The following MYT1 variants were observed in gnomAD, a reference collection of about 807,000 sequenced individuals.
The protein encoded by MYT1 is myelin transcription factor I.
A neutral mutation model predicts 123.0 loss-of-function variants in MYT1; 23 were observed. That is an observed-to-expected ratio of 0.19 (90% CI 0.13 to 0.26). The LOEUF (loss-of-function observed/expected upper bound fraction) is 0.26. Among genes scored for constraint, MYT1 ranks in the 10% least tolerant of loss-of-function variants. The probability of loss-of-function intolerance (pLI) is 1.00; values close to 1 mark genes in which losing one functional copy is unlikely to be tolerated. For synonymous variants in MYT1, 518 were observed against 575.3 expected (o/e 0.90, Z 1.43); for missense variants, 1,125 against 1,472.5 (o/e 0.76, Z 3.86).
chr20:64,181,831 T>C lies in MYT1; in HGVS notation c.-98-8232T>C, dbSNP rs371948140. On this transcript the variant is annotated intron_variant, in intron 1 of 22. Coordinates refer to ENST00000328439, the MANE Select transcript of MYT1 (RefSeq NM_004535.3). ...AGAGGCAGATGCTGGACCTAGTATT[T>C]CTGCTGCCTCCTCCAGGAGCCATGT... 9.5e-4 allele frequency among the ~76,000 whole-genome samples: 145 copies of C among 152,304 alleles called. 1 individual carries two copies. The South Asian group carries it at 0.012, about 12-fold the overall frequency.
chr20:64,197,757 T>A (rs1983165783), intron 2 of MYT1, among the ~76,000 whole-genome samples: 1 of 152,244 alleles, frequency 6.6e-6, no homozygotes, highest in Non-Finnish European at 1.5e-5. Context: ...CTGCCCCACA[T>A]GTCCTTTCTG....
At chr20:64,222,791 G>A (rs1984048882) in intron 14 of MYT1, among the ~76,000 whole-genome samples, 1 of 152,236 alleles carries the variant, frequency 6.6e-6, no homozygotes, top group South Asian at 2.1e-4. Flanking sequence ...TTGCTTCAGG[G>A]CCTGGAGAAG....
intron 16 of MYT1, 121 bp downstream of exon 16, chr20:64,223,480 C>T (rs1984073114): frequency 2.7e-6 from 3 of 1,128,862 alleles, no homozygotes; most frequent in Admixed American, 3.5e-5. Context: ...GGCCCCAGCT[C>T]TCCTGAGATG....
At chr20:64,225,483 C>T (rs1278420855) in intron 16 of MYT1, among the ~76,000 whole-genome samples, 2 of 152,230 alleles carry the variant, frequency 1.3e-5, no homozygotes, top group East Asian at 1.9e-4. Context: ...CCACTCAGCT[C>T]ATCTTGTGTT....
intron 2 of MYT1, among the ~76,000 whole-genome samples, chr20:64,197,189 G>A (rs1379882346): frequency 6.6e-6 from 1 of 152,248 alleles, no homozygotes; most frequent in Non-Finnish European, 1.5e-5. Flanking sequence ...CCTGGAGTCG[G>A]CAGGTTGCAT....
Position 64,218,752 on chromosome 20 carries a change from C to A in MYT1, c.1847-159C>A. Reference sequence around the variant, plus strand: ...GGGCCCTCCCATCCCTCCCAAAGTGCCCCCTCCCCACTGACTTGTCTGCAT... The same window carrying A: ...GGGCCCTCCCATCCCTCCCAAAGTGACCCCTCCCCACTGACTTGTCTGCAT... On this transcript the variant is annotated intron_variant, in intron 11 of 22. Transcript: ENST00000328439. The surrounding 1 kb of genome is among the most constrained non-coding windows in gnomAD (Gnocchi z 4.0). 3.3e-6 allele frequency: 3 copies of A among 906,236 alleles called. No individual in the cohort carries two copies. The highest frequency in any genetic ancestry group is 1.6e-5 in the African/African-American group (1 of 61,564). 56.1% of individuals were successfully genotyped at this position (906,236 alleles called of 1,614,324 possible).
chr20:64,237,250 G>C (rs1984579954), intron 20 of MYT1, 37 bp from the exon 21 acceptor site: 2 of 1,582,246 alleles, frequency 1.3e-6, no homozygotes, highest in Admixed American at 1.8e-5. Flanking sequence ...GCCTGCCTGA[G>C]GCCCAAAGCC....
Position 64,192,802 on chromosome 20 carries a change from G to A in MYT1, c.-1+2642G>A, listed in dbSNP as rs1038900334. 2.0e-5 allele frequency among the ~76,000 whole-genome samples: 3 copies of A among 152,224 alleles called. No individual in the cohort carries two copies. Among genetic ancestry groups the A allele is most frequent in the Non-Finnish European group, 4.4e-5 (3 of 68,046 alleles). ...CTCTGGCAAGGACTACTGGACAGAG[G>A]CTCCTGCAAGGGAAGGAGCTGCCAC... On this transcript the variant is annotated intron_variant, in intron 2 of 22. Coordinates refer to ENST00000328439, the MANE Select transcript of MYT1 (RefSeq NM_004535.3). The surrounding 1 kb of genome is among the most constrained non-coding windows in gnomAD (Gnocchi z 5.3).
intron 3 of MYT1, 107 bp downstream of exon 3, chr20:64,199,023 A>T: frequency 8.5e-7 from 1 of 1,174,052 alleles, no homozygotes; most frequent in South Asian, 1.4e-5. Context: ...TGCCCTGGGG[A>T]CCTCAGGCCT....
intron 18 of MYT1, among the ~76,000 whole-genome samples, chr20:64,230,321 C>T (rs1361032982): frequency 1.3e-5 from 2 of 151,858 alleles, no homozygotes; most frequent in African/African-American, 4.8e-5. Flanking sequence ...GAGACCAGCC[C>T]GGCCAACATG....
chr20:64,171,212 C>G (rs1307642222), intron 1 of MYT1, among the ~76,000 whole-genome samples: 1 of 152,094 alleles, frequency 6.6e-6, no homozygotes, highest in African/African-American at 2.4e-5. Context: ...AGCCACTGTG[C>G]CCGGCCAAAT....
At position 64,211,904 on chromosome 20, in the gene MYT1, C is replaced by T. The variant is rs144512940; in HGVS notation, c.1427-144C>T. The T allele has an allele frequency of 1.2e-3, 802 of 689,350 alleles. 3 individuals carry two copies. In the African/African-American group the frequency reaches 0.012, roughly 11 times the overall value. The allele number at this position is 689,350 out of a possible 1,614,324, so 42.7% of individuals were successfully genotyped here. On this transcript the variant is annotated intron_variant, in intron 8 of 22. Transcript: ENST00000328439. ...GCTCTTGGGGGCTGGAGCTGCCCTG[C>T]GTTGCTGTGTCCCCCACCTGCCTAC...
chr20:64,198,148 G>A (rs966468373), intron 2 of MYT1, among the ~76,000 whole-genome samples: 38 of 151,962 alleles, frequency 2.5e-4, no homozygotes, highest in Middle Eastern at 3.4e-3. Context: ...TTAGCCGGGC[G>A]TGGTAGCGGG....
In MYT1 at chr20:64,168,520, T is replaced by C. The variant is rs768740244; in HGVS notation, c.-99+3781T>C. Among the ~76,000 whole-genome samples, 8 of 152,194 alleles carry C rather than the reference T, an allele frequency of 5.3e-5. No homozygotes were observed. Among genetic ancestry groups the C allele is most frequent in the Non-Finnish European group, 1.0e-4 (7 of 68,040 alleles). ...CTGAGTACATCTGCCTTGGCCAGGA[T>C]TGGAGTCCAGGCCTTGCAGAGGAGA... On this transcript the variant is annotated intron_variant, in intron 1 of 22. Transcript: ENST00000328439. This position sits in a 1 kb window ranked among gnomAD's most constrained non-coding sequence, Gnocchi z 6.1.
In MYT1 at chr20:64,198,897, C is replaced by A. The variant is rs1259441946; in HGVS notation, c.36C>A (p.Thr12=). The A allele has an allele frequency of 6.2e-7, 1 of 1,614,204 alleles. No homozygotes were observed. The highest frequency in any genetic ancestry group is 8.5e-7 in the Non-Finnish European group (1 of 1,180,030). ...SLENEDKRAR[T]RSKALRGPPE... ...AAAATGAAGACAAGCGAGCTCGCAC[C>A]CGATCCAAGGCCCTGCGAGGTGAGT... The change falls in exon 3 of 23, where the codon ACC becomes ACA. Residue 12 remains threonine (T), a synonymous_variant. Coordinates refer to ENST00000328439, the MANE Select transcript of MYT1 (RefSeq NM_004535.3).
At chr20:64,227,011 G>A (rs1984185895) in intron 16 of MYT1, among the ~76,000 whole-genome samples, 1 of 152,254 alleles carries the variant, frequency 6.6e-6, no homozygotes, top group African/African-American at 2.4e-5. Flanking sequence ...GATATGCTCT[G>A]AATGCCTTTA....
intron 1 of MYT1, among the ~76,000 whole-genome samples, chr20:64,169,166 T>C (rs1037256086): frequency 4.6e-5 from 7 of 152,156 alleles, no homozygotes; most frequent in Non-Finnish European, 8.8e-5. Flanking sequence ...GTGGCTGACC[T>C]GTCCTGCCTG....
chr20:64,194,426 C>T, intron 2 of MYT1, among the ~76,000 whole-genome samples: 1 of 152,256 alleles, frequency 6.6e-6, no homozygotes, highest in Non-Finnish European at 1.5e-5. Context: ...CTCCCTGCCT[C>T]CCTGGGGTGA....
intron 1 of MYT1, among the ~76,000 whole-genome samples, chr20:64,176,341 AGC>A (rs1982450528): frequency 7.1e-6 from 1 of 141,394 alleles, no homozygotes; most frequent in Admixed American, 6.9e-5. Flanking sequence ...CTCCTCCTGC[AGC>A]ATCTTTCCCT....
Sources: gnomAD v4.1 joint callset for allele counts (sites outside exome capture counted in the v4.1 genomes callset) on GRCh38, gnomAD v4.1.1 for gene constraint, Gnocchi (gnomAD v3.1) non-coding constraint, MANE v1.5 for transcripts, NCBI Gene and HGNC (gene_info 2026-07-23, HGNC 2026-07-21) for gene names.